B3GALT1: variants seen among roughly 807,000 people sequenced by gnomAD.
The protein encoded by B3GALT1 is UDP-Gal:betaGlcNAc beta 1,3-galactosyltransferase, polypeptide 1.
In B3GALT1, 10 loss-of-function variants were observed where a neutral mutation model predicts 23.2. The ratio of observed to expected loss-of-function variants is 0.43; its 90% CI spans 0.27 to 0.73. The LOEUF (loss-of-function observed/expected upper bound fraction) is 0.73. Ranked by LOEUF, B3GALT1 falls within the 30% of genes least tolerant of loss-of-function variation. The pLI is 0.21. For missense variants in B3GALT1, 299 were observed against 405.4 expected (o/e 0.74, Z 2.25); for synonymous variants, 156 against 141.5 (o/e 1.10, Z -0.73).
chr2:167,776,747 A>G (rs1048689163), intron 3 of B3GALT1, among the ~76,000 whole-genome samples: 1 of 152,230 alleles, frequency 6.6e-6, no homozygotes, highest in African/African-American at 2.4e-5. Context: ...TTTTTTAAAC[A>G]TCTGAGGAAC....
chr2:167,526,294 A>G (rs965734818), intron 2 of B3GALT1, among the ~76,000 whole-genome samples: 11 of 152,138 alleles, frequency 7.2e-5, no homozygotes, highest in African/African-American at 2.7e-4. Flanking sequence ...ACCCTTATCC[A>G]GTAGTACATT....
At chr2:167,622,374 CAGG>C (rs1303435645) in intron 2 of B3GALT1, among the ~76,000 whole-genome samples, 1 of 151,996 alleles carries the variant, frequency 6.6e-6, no homozygotes, top group African/African-American at 2.4e-5. Context: ...CCAGTGGTGC[CAGG>C]AGATGTCTAA....
At chr2:167,681,895 C>CT (rs1223072125) in intron 3 of B3GALT1, among the ~76,000 whole-genome samples, 2 of 152,150 alleles carry the variant, frequency 1.3e-5, no homozygotes, top group Non-Finnish European at 2.9e-5. Context: ...CTGAGCTGTC[C>CT]TTTTTTTGGC....
intron 2 of B3GALT1, among the ~76,000 whole-genome samples, chr2:167,506,179 A>G (rs929246784): frequency 6.6e-6 from 1 of 152,206 alleles, no homozygotes; most frequent in Non-Finnish European, 1.5e-5. Context: ...ACCAACAGCA[A>G]GCATTGCACA....
intron 1 of B3GALT1, among the ~76,000 whole-genome samples, chr2:167,438,351 C>T (rs1162841863): frequency 6.6e-6 from 1 of 152,180 alleles, no homozygotes; most frequent in African/African-American, 2.4e-5. Flanking sequence ...GCTTGGAAAA[C>T]CAAAGGGCAG....
chr2:167,597,537 C>T (rs1684800605), intron 2 of B3GALT1, among the ~76,000 whole-genome samples: 1 of 152,188 alleles, frequency 6.6e-6, no homozygotes, highest in South Asian at 2.1e-4. Flanking sequence ...AACTGACACT[C>T]AAGAGGGCTT....
chr2:167,720,624 T>G (rs983115768), intron 3 of B3GALT1, among the ~76,000 whole-genome samples: 2 of 152,330 alleles, frequency 1.3e-5, no homozygotes, highest in Admixed American at 6.5e-5. Flanking sequence ...ACAACCTCAT[T>G]TATTCATTCG....
intron 3 of B3GALT1, among the ~76,000 whole-genome samples, chr2:167,737,048 C>T (rs1386054433): frequency 6.6e-6 from 1 of 151,550 alleles, no homozygotes; most frequent in Non-Finnish European, 1.5e-5. Flanking sequence ...GGCTTTCAAG[C>T]AATGCAGATT....
intron 1 of B3GALT1, among the ~76,000 whole-genome samples, chr2:167,469,346 T>A (rs1699392339): frequency 6.6e-6 from 1 of 152,334 alleles, no homozygotes; most frequent in South Asian, 2.1e-4. Flanking sequence ...GAGGATTAAA[T>A]AAATGAATGC....
intron 2 of B3GALT1, among the ~76,000 whole-genome samples, chr2:167,566,594 C>G (rs1475881718): frequency 1.3e-5 from 2 of 151,902 alleles, no homozygotes. Flanking sequence ...AGTCCAGCCT[C>G]CTTATTTGAA....
intron 1 of B3GALT1, among the ~76,000 whole-genome samples, chr2:167,447,916 A>C (rs532256163): frequency 6.6e-6 from 1 of 152,256 alleles, no homozygotes; most frequent in African/African-American, 2.4e-5. Context: ...GGAAATGCCG[A>C]AATCACCCAT....
intron 1 of B3GALT1, among the ~76,000 whole-genome samples, chr2:167,428,140 T>C (rs1024670197): frequency 2.0e-5 from 3 of 152,028 alleles, no homozygotes; most frequent in Non-Finnish European, 4.4e-5. Context: ...AAAAAGAAAA[T>C]CAATTAATGG....
chr2:167,723,622 T>C (rs10153925), intron 3 of B3GALT1, among the ~76,000 whole-genome samples: 25,622 of 151,896 alleles, frequency 0.17, 2,423 homozygotes, highest in East Asian at 0.41. Flanking sequence ...CATCTGCCTC[T>C]TGTGTTCAAG....
At chr2:167,777,520 G>A (rs1344766374) in intron 3 of B3GALT1, among the ~76,000 whole-genome samples, 1 of 152,094 alleles carries the variant, frequency 6.6e-6, no homozygotes, top group Non-Finnish European at 1.5e-5. Context: ...CTAATTTTTT[G>A]TGTTTTCAGT....
intron 3 of B3GALT1, among the ~76,000 whole-genome samples, chr2:167,787,312 T>G (rs182363636): frequency 5.0e-4 from 76 of 152,304 alleles, no homozygotes; most frequent in African/African-American, 1.7e-3. Flanking sequence ...AGGAAGTTTA[T>G]GTACTAGCAG....
intron 4 of B3GALT1, among the ~76,000 whole-genome samples, chr2:167,842,857 A>G (rs1321182833): frequency 6.6e-6 from 1 of 152,144 alleles, no homozygotes; most frequent in African/African-American, 2.4e-5. Flanking sequence ...TGCACAACAG[A>G]CCCTGAATCA....
intron 3 of B3GALT1, among the ~76,000 whole-genome samples, chr2:167,760,627 C>T (rs1161528835): frequency 6.6e-6 from 1 of 152,112 alleles, no homozygotes; most frequent in Non-Finnish European, 1.5e-5. Flanking sequence ...TTTTACAGTT[C>T]TTGTCATCTT....
intron 2 of B3GALT1, among the ~76,000 whole-genome samples, chr2:167,562,735 A>T (rs1329561652): frequency 6.7e-6 from 1 of 150,328 alleles, no homozygotes; most frequent in Non-Finnish European, 1.5e-5. Flanking sequence ...TAGTGGAGGG[A>T]AGGTCAGCAG....
chr2:167,379,591 G>C (rs932055371), intron 1 of B3GALT1, among the ~76,000 whole-genome samples: 14 of 152,168 alleles, frequency 9.2e-5, no homozygotes, highest in Non-Finnish European at 2.1e-4. Context: ...TTAAAGGTAA[G>C]AGTTGGCTAC....
Sources: allele counts gnomAD v4.1 joint callset (sites outside exome capture counted in the v4.1 genomes callset), GRCh38; gene constraint gnomAD v4.1.1; transcripts MANE v1.5; gene names NCBI Gene and HGNC (gene_info 2026-07-23, HGNC 2026-07-21).